ANK3: variants seen among roughly 807,000 people sequenced by gnomAD.
The protein encoded by ANK3 is ankyrin-3.
Under a neutral mutation model 370.9 loss-of-function variants are expected in ANK3, and 57 were observed. The observed-to-expected ratio is 0.15, with a 90% CI of 0.12 to 0.19. The LOEUF is 0.19. ANK3 is among the 10% of genes least tolerant of loss of function. The pLI, the probability that ANK3 is intolerant of heterozygous loss-of-function variation, is 1.00. For synonymous variants in ANK3, 1,929 were observed against 1,946.3 expected, an observed-to-expected ratio of 0.99 and a Z score of 0.23; for missense variants, 4,439 against 5,302.1, an observed-to-expected ratio of 0.84 and a Z score of 5.06.
chr10:60,469,357 ACCACTTTTAGTG>A (rs2065125499), intron 2 of ANK3, among the ~76,000 whole-genome samples: 6 of 124,458 alleles, frequency 4.8e-5, no homozygotes, highest in African/African-American at 8.7e-5. Context: ...ATATATATAT[ACCACTTTTAGTG>A]TATATATATA....
At position 60,607,871 on chromosome 10, in the gene ANK3, G is replaced by C. The variant is rs559184714; in HGVS notation, c.96+7315C>G. ...CAGAGAATGGTCACAGAGAGAAGAA[G>C]CTTATGGCTGAGGGAGAAACCTACC... On this transcript the variant is annotated intron_variant, in intron 2 of 43. Transcript: ENST00000373827. Among the ~76,000 whole-genome samples the C allele has an allele frequency of 3.0e-4, 46 of 152,308 alleles. No individual in the cohort carries two copies. The South Asian group carries it at 9.1e-3, about 30-fold the overall frequency.
At chr10:60,352,165 G>A (rs1253419145) in intron 1 of ANK3, among the ~76,000 whole-genome samples, 1 of 152,072 alleles carries the variant, frequency 6.6e-6, no homozygotes, top group African/African-American at 2.4e-5. Context: ...GGCATGGTGA[G>A]GTGCTTGCAA....
chr10:60,684,713 C>G, intron 1 of ANK3: 1 of 1,587,198 alleles, frequency 6.3e-7, no homozygotes, highest in Non-Finnish European at 8.6e-7. Context: ...AAAACAGTCA[C>G]TTTTCACTTC....
chr10:60,616,888 C>G (rs2078275086), intron 1 of ANK3, among the ~76,000 whole-genome samples: 1 of 152,070 alleles, frequency 6.6e-6, no homozygotes, highest in South Asian at 2.1e-4. Context: ...TTTTTTATTT[C>G]ATAGTGAAAT....
intron 1 of ANK3, among the ~76,000 whole-genome samples, chr10:60,723,107 C>G (rs886739465): frequency 6.6e-6 from 1 of 152,160 alleles, no homozygotes; most frequent in Admixed American, 6.5e-5. Flanking sequence ...TCACATAGTA[C>G]TAAGCAATTT....
intron 1 of ANK3, among the ~76,000 whole-genome samples, chr10:60,698,872 T>G (rs925565205): frequency 6.7e-6 from 1 of 149,292 alleles, no homozygotes; most frequent in African/African-American, 2.5e-5. Flanking sequence ...GTGCACATTG[T>G]GCACATGTAC....
intron 1 of ANK3, among the ~76,000 whole-genome samples, chr10:60,297,133 A>G (rs564201228): frequency 6.6e-6 from 1 of 152,362 alleles, no homozygotes; most frequent in Admixed American, 6.5e-5. Flanking sequence ...AGAATACAAA[A>G]TAATCAATAA....
chr10:60,572,353 T>C, intron 2 of ANK3: 1 of 1,076,722 alleles, frequency 9.3e-7, no homozygotes, highest in Non-Finnish European at 1.3e-6. Context: ...ATTCAGATTC[T>C]AGCAGCTTCT....
upstream of ANK3, among the ~76,000 whole-genome samples, chr10:60,391,571 G>A (rs2063100809): frequency 6.6e-6 from 1 of 152,162 alleles, no homozygotes; most frequent in Admixed American, 6.5e-5. Flanking sequence ...TTTTCAGCAA[G>A]TTGAAGAGAA....
chr10:60,403,355 T>A (rs2063390014), intron 2 of ANK3, among the ~76,000 whole-genome samples: 1 of 152,186 alleles, frequency 6.6e-6, no homozygotes, highest in African/African-American at 2.4e-5. Context: ...GAGGCCAGCA[T>A]AACCTTTGCA....
intron 23 of ANK3, 85 bp from the exon 24 acceptor site, chr10:60,139,172 G>T: frequency 6.6e-7 from 1 of 1,506,680 alleles, no homozygotes; most frequent in Non-Finnish European, 9.0e-7. Context: ...TTGGTTATCA[G>T]CAAATCCCCC....
chr10:60,619,992 T>C (rs2078314129), intron 1 of ANK3, among the ~76,000 whole-genome samples: 1 of 152,308 alleles, frequency 6.6e-6, no homozygotes, highest in African/African-American at 2.4e-5. Context: ...TAATCTCTTC[T>C]GGTAACAAGC....
At chr10:60,611,303 A>G (rs930501893) in intron 2 of ANK3, among the ~76,000 whole-genome samples, 3 of 152,276 alleles carry the variant, frequency 2.0e-5, no homozygotes. Flanking sequence ...CAGCAGAGGA[A>G]GGACACACCT....
chr10:60,274,467 C>G (rs977306194), intron 4 of ANK3, among the ~76,000 whole-genome samples: 2 of 152,138 alleles, frequency 1.3e-5, no homozygotes, highest in Admixed American at 6.5e-5. Context: ...AGAGAATTAC[C>G]TATTCCCCAT....
chr10:60,055,288 T>C (rs2078942389), intron 42 of ANK3, among the ~76,000 whole-genome samples: 1 of 152,134 alleles, frequency 6.6e-6, no homozygotes, highest in African/African-American at 2.4e-5. Context: ...CCTCCTCCCA[T>C]AAGGAAGAAC....
intron 2 of ANK3, among the ~76,000 whole-genome samples, chr10:60,489,377 T>C (rs2075433529): frequency 6.6e-6 from 1 of 152,226 alleles, no homozygotes. Flanking sequence ...ACATGTTATG[T>C]ATTACATTAT....
At chr10:60,653,173 T>G (rs536932385) in intron 1 of ANK3, among the ~76,000 whole-genome samples, 19 of 152,294 alleles carry the variant, frequency 1.2e-4, no homozygotes, top group Admixed American at 6.5e-4. Flanking sequence ...TGACGAATTA[T>G]TCTCTCTTGT....
chr10:60,435,830 T>G (rs370702477), intron 2 of ANK3, among the ~76,000 whole-genome samples: 1 of 152,336 alleles, frequency 6.6e-6, no homozygotes, highest in South Asian at 2.1e-4. Context: ...CCGGGCGCGG[T>G]GGCTCACGCC....
intron 2 of ANK3, among the ~76,000 whole-genome samples, chr10:60,511,987 C>A (rs1388936146): frequency 2.6e-5 from 4 of 152,118 alleles, no homozygotes; most frequent in African/African-American, 9.6e-5. Flanking sequence ...GAAACTTTAG[C>A]AGCTCTCCAC....
Sources: gnomAD v4.1 joint callset for allele counts (sites outside exome capture counted in the v4.1 genomes callset) on GRCh38, gnomAD v4.1.1 for gene constraint, MANE v1.5 for transcripts, NCBI Gene and HGNC (gene_info 2026-07-23, HGNC 2026-07-21) for gene names.